CCDC3: variants seen among roughly 807,000 people sequenced by gnomAD.
CCDC3 encodes the protein coiled-coil domain containing 3.
A neutral mutation model predicts 21.4 loss-of-function variants in CCDC3; 24 were observed. That is an observed-to-expected ratio of 1.12 (90% CI 0.81 to 1.58). CCDC3 has a LOEUF of 1.58. Among genes scored for constraint, CCDC3 ranks in the 40% most tolerant of loss-of-function variants. The pLI is 0.00. For missense variants in CCDC3, 425 were observed against 360.9 expected, an observed-to-expected ratio of 1.18 and a Z score of -1.44; for synonymous variants, 186 against 166.0, an observed-to-expected ratio of 1.12 and a Z score of -0.93.
chr10:13,075,516 C>G (rs74119407), intron 3 of CCDC3, among the ~76,000 whole-genome samples: 1 of 151,930 alleles, frequency 6.6e-6, no homozygotes, highest in African/African-American at 2.4e-5. Flanking sequence ...GGATGAACCT[C>G]TTCCCACCGC....
intron 2 of CCDC3, among the ~76,000 whole-genome samples, chr10:12,984,796 G>A (rs1470049126): frequency 1.3e-5 from 2 of 152,124 alleles, no homozygotes; most frequent in Non-Finnish European, 2.9e-5. Context: ...GCCTGAGACA[G>A]ACAAATCTTA....
At chr10:13,062,130 T>A (rs1212336910) in intron 4 of CCDC3, among the ~76,000 whole-genome samples, 1 of 152,206 alleles carries the variant, frequency 6.6e-6, no homozygotes, top group East Asian at 1.9e-4. Flanking sequence ...AAAACCCATC[T>A]GACGAGAATT....
intron 4 of CCDC3, among the ~76,000 whole-genome samples, chr10:13,057,170 T>C (rs1034083480): frequency 4.6e-5 from 7 of 152,166 alleles, no homozygotes; most frequent in Admixed American, 3.3e-4. Context: ...GGCATTTACC[T>C]GTAATCCCAG....
At chr10:13,047,030 G>C (rs1836538524) in intron 5 of CCDC3, among the ~76,000 whole-genome samples, 1 of 152,058 alleles carries the variant, frequency 6.6e-6, no homozygotes, top group Admixed American at 6.6e-5. Context: ...ATGCACCCTA[G>C]TAAGATGAGA....
At chr10:12,973,036 A>T (rs951273369) in intron 2 of CCDC3, among the ~76,000 whole-genome samples, 2 of 152,108 alleles carry the variant, frequency 1.3e-5, no homozygotes, top group African/African-American at 4.8e-5. Context: ...TGCTTTTGAA[A>T]CTGTTGTAAG....
intron 3 of CCDC3, among the ~76,000 whole-genome samples, chr10:13,084,257 A>G (rs1384975565): frequency 1.3e-5 from 2 of 149,700 alleles, no homozygotes; most frequent in East Asian, 3.9e-4. Flanking sequence ...TGGAGTAGCC[A>G]TCTTTCACCA....
At chr10:13,036,950 T>A (rs1002508484) in intron 5 of CCDC3, among the ~76,000 whole-genome samples, 2 of 151,970 alleles carry the variant, frequency 1.3e-5, no homozygotes, top group Non-Finnish European at 2.9e-5. Context: ...CAGCTGATTT[T>A]CTTTGTTTAT....
intron 2 of CCDC3, among the ~76,000 whole-genome samples, chr10:12,940,727 A>G (rs765067337): frequency 6.6e-6 from 1 of 152,230 alleles, no homozygotes; most frequent in Non-Finnish European, 1.5e-5. Flanking sequence ...CCTTCTGCAC[A>G]TAAATTTAAA....
chr10:12,971,446 G>C lies in CCDC3; in HGVS notation c.549+26892C>G, dbSNP rs149998051. Among the ~76,000 whole-genome samples the C allele has an allele frequency of 3.1e-3, 465 of 152,302 alleles. 9 individuals carry two copies. The East Asian group carries it at 0.046, about 15-fold the overall frequency. The stretch of plus-strand genomic sequence containing the variant: ...GTAGCCCACCGCAGATGGAGATGCA[G>C]AAAAGAAGGAACCCACACTCTAGGT... On this transcript the variant is annotated intron_variant, in intron 2 of 2. Coordinates refer to ENST00000378825, the MANE Select transcript of CCDC3 (RefSeq NM_031455.4).
intron 2 of CCDC3, among the ~76,000 whole-genome samples, chr10:12,941,995 G>T (rs972399771): frequency 2.0e-5 from 3 of 151,968 alleles, no homozygotes; most frequent in Admixed American, 2.0e-4. Context: ...TTCTTAAATG[G>T]GCCTTTACCT....
intron 5 of CCDC3, among the ~76,000 whole-genome samples, chr10:13,013,461 G>C (rs1340191951): frequency 6.6e-6 from 1 of 152,100 alleles, no homozygotes; most frequent in Non-Finnish European, 1.5e-5. Context: ...AGAAAACCAT[G>C]AATCAACAAT....
chr10:13,001,549 C>G lies in CCDC3; in HGVS notation c.22G>C (p.Ala8Pro). 7.9e-7 allele frequency: 1 copy of G among 1,262,736 alleles called. No individual in the cohort carries two copies. Among genetic ancestry groups the G allele is most frequent in the Non-Finnish European group, 9.9e-7 (1 of 1,005,462 alleles). The allele number at this position is 1,262,736 out of a possible 1,614,324, so 78.2% of individuals were successfully genotyped here. A position where few individuals can be genotyped will look rare whatever the true frequency, so the allele number is the denominator to read the frequency against. Residue 8 changes from alanine (A) to proline (P), a missense_variant, in exon 1 of 3, where the codon GCC (alanine) becomes CCC (proline). Coordinates refer to ENST00000378825, the MANE Select transcript of CCDC3 (RefSeq NM_031455.4). MLRQLLL[A>P]ALCLAGPPAP... is the part of the protein sequence containing the mutation. ...GGGGGACCCGCCAGGCAGAGCGCGG[C>G]GAGCAGCAGCTGGCGCAGCATGCCG... is the stretch of plus-strand genomic sequence containing the variant.
At chr10:13,033,072 G>A (rs1836326540) in intron 5 of CCDC3, among the ~76,000 whole-genome samples, 1 of 152,200 alleles carries the variant, frequency 6.6e-6, no homozygotes, top group Non-Finnish European at 1.5e-5. Flanking sequence ...GAGGCATCAT[G>A]CTACCTGACT....
chr10:13,024,875 G>T (rs751155470), intron 5 of CCDC3, among the ~76,000 whole-genome samples: 1 of 151,896 alleles, frequency 6.6e-6, no homozygotes, highest in Non-Finnish European at 1.5e-5. Context: ...TCTTTCCTCC[G>T]GCTTCCCATA....
At chr10:12,916,103 G>T (rs1834349101) in intron 2 of CCDC3, among the ~76,000 whole-genome samples, 2 of 152,154 alleles carry the variant, frequency 1.3e-5, no homozygotes, top group Non-Finnish European at 2.9e-5. Context: ...TGCAGGGGCT[G>T]CCCTGGCACT....
intron 2 of CCDC3, among the ~76,000 whole-genome samples, chr10:12,994,422 A>C (rs894252791): frequency 6.8e-6 from 1 of 146,370 alleles, no homozygotes; most frequent in African/African-American, 2.8e-5. Flanking sequence ...ACAAAAAAAA[A>C]AAACACCCAG....
At chr10:13,018,773 A>T (rs540520382) in intron 5 of CCDC3, among the ~76,000 whole-genome samples, 1 of 151,850 alleles carries the variant, frequency 6.6e-6, no homozygotes, top group Admixed American at 6.6e-5. Context: ...TCTACTAAAA[A>T]TACAAAAAAA....
intron 2 of CCDC3, among the ~76,000 whole-genome samples, chr10:12,940,050 T>C (rs1176794487): frequency 6.6e-6 from 1 of 152,188 alleles, no homozygotes; most frequent in Non-Finnish European, 1.5e-5. Context: ...TCTGTGTTAA[T>C]ATATCTGACC....
intron 2 of CCDC3, among the ~76,000 whole-genome samples, chr10:12,904,636 A>G (rs1321767573): frequency 2.6e-5 from 4 of 152,042 alleles, no homozygotes; most frequent in Non-Finnish European, 5.9e-5. Context: ...GTCTCCAGTG[A>G]CGGGACAAAT....
Sources: gnomAD v4.1 joint callset for allele counts (sites outside exome capture counted in the v4.1 genomes callset) on GRCh38, gnomAD v4.1.1 for gene constraint, MANE v1.5 for transcripts, NCBI Gene and HGNC (gene_info 2026-07-23, HGNC 2026-07-21) for gene names.